Variants in DISP3 observed in about 807,000 individuals in gnomAD.
The protein encoded by DISP3 is protein dispatched homolog 3.
DISP3 carries 101 observed loss-of-function variants against 135.3 expected under a neutral mutation model. The observed-to-expected ratio is 0.75, with a 90% confidence interval of 0.64 to 0.88. The LOEUF (loss-of-function observed/expected upper bound fraction) is 0.88, where lower values mean the gene tolerates loss of function less well. DISP3 is among the 40% of genes least tolerant of loss of function. The pLI is 0.00. For synonymous variants in DISP3, 856 were observed against 817.0 expected (o/e 1.05, Z -0.81); for missense variants, 1,713 against 1,878.6 (o/e 0.91, Z 1.63).
rs367781598 is a variant in DISP3, at chr1:11,519,926, C to G, written c.2200+46C>G. On this transcript the variant is annotated intron_variant, in intron 9 of 20. Transcript: ENST00000294484. This position sits in a 1 kb window ranked among gnomAD's most constrained non-coding sequence, Gnocchi z 4.3. ...TGCCCCCTGTCTCACAGCTCCACCC[C>G]CAAAACACACAGGAACTGGGAGCCC... 73 of 1,555,692 alleles carry G rather than the reference C, an allele frequency of 4.7e-5. No individual in the cohort carries two copies. The highest frequency in any genetic ancestry group is 3.2e-4 in the Admixed American group (18 of 56,326).
Position 11,536,866 on chromosome 1 carries a change from G to A in DISP3, c.*180G>A, listed in dbSNP as rs1297478884. ...ACCATGCTGCCTTGTGGAGCTGGGA[G>A]TTGGAGACAGCCGCCACCCCACAGG... On this transcript the variant is annotated 3_prime_UTR_variant, in exon 21 of 21. Coordinates refer to ENST00000294484, the MANE Select transcript of DISP3 (RefSeq NM_020780.2). This position sits in a 1 kb window ranked among gnomAD's most constrained non-coding sequence, Gnocchi z 4.3. The A allele has an allele frequency of 1.5e-5, 13 of 890,044 alleles. No homozygotes were observed. The highest frequency in any genetic ancestry group is 2.1e-5 in the Non-Finnish European group (13 of 615,326). 55.1% of individuals were successfully genotyped at this position (890,044 alleles called of 1,614,324 possible).
chr1:11,535,264 G>A, intron 19 of DISP3, 140 bp downstream of exon 19: 1 of 1,028,388 alleles, frequency 9.7e-7, no homozygotes, highest in Non-Finnish European at 1.4e-6. Flanking sequence ...TGTCTCTCCT[G>A]CATGTCTGTG....
rs916083398 is a variant in DISP3, at chr1:11,492,254, G to A, written c.-3-8736G>A. The stretch of plus-strand genomic sequence containing the variant: ...AGGGGGTCGGGTTCTGTCCCACTGA[G>A]CCCACTAGAGAGGGGACACCAGAAC... On this transcript the variant is annotated intron_variant, in intron 1 of 20. Transcript: ENST00000294484. 2.0e-5 allele frequency among the ~76,000 whole-genome samples: 3 copies of A among 152,060 alleles called. No homozygotes were observed. In the East Asian group the frequency reaches 5.8e-4, roughly 29 times the overall value.
intron 1 of DISP3, among the ~76,000 whole-genome samples, chr1:11,492,456 G>A (rs1188612846): frequency 6.6e-6 from 1 of 152,170 alleles, no homozygotes. Context: ...AGCCCCAGGA[G>A]GCCAGTCATC....
chr1:11,523,003 A>G (rs536635271), intron 10 of DISP3, among the ~76,000 whole-genome samples: 3 of 151,158 alleles, frequency 2.0e-5, no homozygotes, highest in Non-Finnish European at 2.9e-5. Context: ...CCCAGCCCCT[A>G]CTCCCTGTGC....
chr1:11,531,103 G>A lies in DISP3; in HGVS notation c.3229+70G>A. 6.3e-7 allele frequency: 1 copy of A among 1,595,324 alleles called. No homozygotes were observed. Among genetic ancestry groups the A allele is most frequent in the Non-Finnish European group, 8.5e-7 (1 of 1,174,338 alleles). ...TGACTGGGGAGGCACAGAGGCCGTG[G>A]TCCAAGGTAGACAGCCCGAAGGACA... On this transcript the variant is annotated intron_variant, in intron 16 of 20. Transcript: ENST00000294484. The surrounding 1 kb of genome is among the most constrained non-coding windows in gnomAD (Gnocchi z 5.2).
chr1:11,515,154 AGAG>A (rs1422931280), intron 4 of DISP3, among the ~76,000 whole-genome samples: 3 of 152,240 alleles, frequency 2.0e-5, no homozygotes, highest in Non-Finnish European at 2.9e-5. Context: ...AGGTCTGCAA[AGAG>A]GAGGACAGTC....
chr1:11,508,151 G>A (rs556985664), intron 3 of DISP3, among the ~76,000 whole-genome samples: 13 of 152,174 alleles, frequency 8.5e-5, no homozygotes, highest in African/African-American at 2.2e-4. Context: ...GCAGGGTACC[G>A]TAGTTCATGC....
At position 11,536,243 on chromosome 1, in the gene DISP3, G is replaced by C; in HGVS notation, c.3817-81G>C. 6.6e-7 allele frequency: 1 copy of C among 1,509,790 alleles called. No homozygotes were observed. Among genetic ancestry groups the C allele is most frequent in the Non-Finnish European group, 8.8e-7 (1 of 1,134,754 alleles). 93.5% of individuals were successfully genotyped at this position (1,509,790 alleles called of 1,614,324 possible). ...TAACAGAGCAGGAACCTGGCGTGGG[G>C]TGGGGGTGCGTGATTCCCCAGGTGC... On this transcript the variant is annotated intron_variant, in intron 20 of 20. Coordinates refer to ENST00000294484, the MANE Select transcript of DISP3 (RefSeq NM_020780.2). The surrounding 1 kb of genome is among the most constrained non-coding windows in gnomAD (Gnocchi z 4.3).
chr1:11,517,345 A>G (rs936628844), intron 6 of DISP3, 118 bp from the exon 7 acceptor site: 6 of 1,356,360 alleles, frequency 4.4e-6, no homozygotes, highest in Non-Finnish European at 6.2e-6. Flanking sequence ...GCCTCCTCCT[A>G]CTGCCTCAGT....
At chr1:11,512,927 A>G (rs779164522) in intron 3 of DISP3, among the ~76,000 whole-genome samples, 1 of 152,170 alleles carries the variant, frequency 6.6e-6, no homozygotes, top group Non-Finnish European at 1.5e-5. Flanking sequence ...GCAAAAGCGG[A>G]AACCCCAGAT....
At chr1:11,514,548 C>T in intron 4 of DISP3, 22 bp downstream of exon 4, 1 of 1,607,460 alleles carries the variant, frequency 6.2e-7, no homozygotes, top group Non-Finnish European at 8.5e-7. Flanking sequence ...CTCAAGCCAG[C>T]CCCCTCCTCC....
At chr1:11,518,038 A>G (rs1027128536) in intron 7 of DISP3, among the ~76,000 whole-genome samples, 13 of 152,186 alleles carry the variant, frequency 8.5e-5, no homozygotes, top group African/African-American at 3.1e-4. Context: ...CTTTAGATGT[A>G]GTGAGACGTG....
rs1310205378 is a variant in DISP3 at position 11,519,758 on chromosome 1, C to A, written c.2078C>A (p.Ser693Tyr). The change falls in exon 9 of 21, where the codon TCC (serine) becomes TAC (tyrosine). Residue 693 changes from serine (S) to tyrosine (Y), a missense_variant. Around this residue, in one of 2 missense-constraint regions of DISP3, gnomAD observed 1,142 missense variants for 1,384.6 expected, o/e 0.82. Transcript: ENST00000294484. The surrounding 1 kb of genome is among the most constrained non-coding windows in gnomAD (Gnocchi z 4.3). ...GGAGACGTGTCCCTGGTGTCTGTGT[C>A]CCCCGAGGGTCTGCAGCCAGCCTCC... ...ELGDVSLVSV[S>Y]PEGLQPASNT... The A allele has an allele frequency of 6.2e-7, 1 of 1,613,022 alleles. No homozygotes were observed.
intron 4 of DISP3, 89 bp from the exon 5 acceptor site, chr1:11,515,280 C>T: frequency 1.3e-6 from 2 of 1,509,002 alleles, no homozygotes; most frequent in Admixed American, 1.8e-5. Context: ...GGAGAAGAGA[C>T]AGGACCCAGC....
At chr1:11,495,845 T>A (rs962814187) in intron 1 of DISP3, among the ~76,000 whole-genome samples, 5 of 152,178 alleles carry the variant, frequency 3.3e-5, no homozygotes, top group African/African-American at 1.2e-4. Flanking sequence ...CCTTGGTTTC[T>A]CTCCTCGGAG....
In DISP3 at chr1:11,502,661, C is replaced by T. The variant is rs1030583538; in HGVS notation, c.1097-17C>T. The T allele has an allele frequency of 6.2e-7, 1 of 1,609,274 alleles. No homozygotes were observed. Among genetic ancestry groups the T allele is most frequent in the South Asian group, 1.1e-5 (1 of 90,548 alleles). On this transcript the variant is annotated splice_polypyrimidine_tract_variant and intron_variant, in intron 2 of 20. Transcript: ENST00000294484. The stretch of plus-strand genomic sequence containing the variant: ...TGACCAGCTGAACTCTTGGGGCCCC[C>T]ACCCCTGTCCTTGCAGGCTCCCTGG...
chr1:11,501,438 A>G lies in DISP3; in HGVS notation c.446A>G (p.Gln149Arg), dbSNP rs1489009986. The change falls in exon 2 of 21, where the codon CAG becomes CGG. Residue 149 changes from glutamine (Q) to arginine (R), a missense_variant. Gln to Arg is a conservative substitution (Grantham distance 43, BLOSUM62 1). Around this residue, in one of 2 missense-constraint regions of DISP3, gnomAD observed 571 missense variants for 494.1 expected, o/e 1.16. Coordinates refer to ENST00000294484, the MANE Select transcript of DISP3 (RefSeq NM_020780.2). This position sits in a 1 kb window ranked among gnomAD's most constrained non-coding sequence, Gnocchi z 4.9. ...GCCGACTTCACCTCCGAGACGCTTC[A>G]GCGCCTTATCTCAGAGCAGCTGCAG... ...DLADFTSETL[Q>R]RLISEQLQQL... 5.0e-6 allele frequency: 8 copies of G among 1,596,686 alleles called. No individual in the cohort carries two copies. Among genetic ancestry groups the G allele is most frequent in the East Asian group, 4.5e-5 (2 of 44,808 alleles).
intron 13 of DISP3, among the ~76,000 whole-genome samples, chr1:11,528,026 C>T (rs973367049): frequency 2.0e-5 from 3 of 152,186 alleles, no homozygotes; most frequent in African/African-American, 7.2e-5. Flanking sequence ...GTGCCGCCTC[C>T]CCAGCACCTG....
Sources: gnomAD v4.1 joint callset for allele counts (sites outside exome capture counted in the v4.1 genomes callset) on GRCh38, gnomAD v4.1.1 for gene constraint, gnomAD v4.1.1 regional missense constraint, Gnocchi (gnomAD v3.1) non-coding constraint, MANE v1.5 for transcripts, NCBI Gene and HGNC (gene_info 2026-07-23, HGNC 2026-07-21) for gene names.